The following ETNK1 variants were observed in gnomAD, a reference collection of about 807,000 sequenced individuals.
ETNK1 encodes ethanolamine kinase 1.
Under a neutral mutation model 45.1 loss-of-function variants are expected in ETNK1, and 8 were observed. The observed-to-expected ratio is 0.18, with a 90% CI of 0.10 to 0.32. ETNK1 has a LOEUF of 0.32. ETNK1 is among the 10% of genes least tolerant of loss of function. The pLI is 1.00. For missense variants in ETNK1, 302 were observed against 430.6 expected, an observed-to-expected ratio of 0.70 and a Z score of 2.64; for synonymous variants, 152 against 151.9, an observed-to-expected ratio of 1.00 and a Z score of -0.01.
chr12:22,659,262 T>TTACTTCAA, intron 3 of ETNK1, 108 bp downstream of exon 3: 1 of 1,148,850 alleles, frequency 8.7e-7, no homozygotes, highest in Non-Finnish European at 1.2e-6. Context: ...TTTTCTTTCT[T>TTACTTCAA]TGCATTGAAG....
intron 6 of ETNK1, chr12:22,682,322 G>A: frequency 4.1e-6 from 2 of 485,202 alleles, no homozygotes; most frequent in Non-Finnish European, 8.2e-6. Context: ...AATATTGTCA[G>A]TTATTTTCAC....
intron 4 of ETNK1, among the ~76,000 whole-genome samples, chr12:22,664,842 A>T (rs746512273): frequency 6.6e-6 from 1 of 152,150 alleles, no homozygotes; most frequent in Non-Finnish European, 1.5e-5. Context: ...TTGAGATACC[A>T]ATAGATAAAA....
rs1375688458 is a variant in ETNK1, at chr12:22,687,277, A to T, written c.*2323A>T. On this transcript the variant is annotated 3_prime_UTR_variant, in exon 8 of 8. Transcript: ENST00000266517. ...GAATTGCTTCCCTTTTATATCGACC[A>T]TGTAAGGGATTCTAAAGGAGGGTAA... 2.0e-5 allele frequency: 3 copies of T among 152,262 alleles called. No individual in the cohort carries two copies. Among genetic ancestry groups the T allele is most frequent in the Admixed American group, 2.0e-4 (3 of 15,240 alleles). The allele number at this position is 152,262 out of a possible 1,614,324, so 9.4% of individuals were successfully genotyped here.
At position 22,653,742 on chromosome 12, in the gene ETNK1, A is replaced by G. The variant is rs142443340; in HGVS notation, c.417-5272A>G. Among the ~76,000 whole-genome samples, 806 of 152,256 alleles carry G rather than the reference A, an allele frequency of 5.3e-3. 5 individuals carry two copies. The highest frequency in any genetic ancestry group is 0.018 in the African/African-American group (765 of 41,554). On this transcript the variant is annotated intron_variant, in intron 2 of 7. Coordinates refer to ENST00000266517, the MANE Select transcript of ETNK1 (RefSeq NM_018638.5). ...AATTTGATTTTTAGTAAAAACTGTA[A>G]ATTTTCTTAAAATCATTCTTTACAA...
rs1954251503 is a variant in ETNK1, at chr12:22,685,346, TTAA to T, written c.*396_*398del. 1 of 155,470 alleles carries T rather than the reference TTAA, an allele frequency of 6.4e-6. No individual in the cohort carries two copies. Among genetic ancestry groups the T allele is most frequent in the African/African-American group, 2.4e-5 (1 of 41,544 alleles). 9.6% of individuals were successfully genotyped at this position (155,470 alleles called of 1,614,324 possible). On this transcript the variant is annotated 3_prime_UTR_variant, in exon 8 of 8. Coordinates refer to ENST00000266517, the MANE Select transcript of ETNK1 (RefSeq NM_018638.5). The stretch of plus-strand genomic sequence containing the variant: ...CCAAATAAGTTTTTTAAGTTTTACT[TTAA>T]TAAGATTAATTTCAGTAAACATTCT...
chr12:22,625,418 C>A lies in ETNK1; in HGVS notation c.-13C>A. 1 of 1,573,346 alleles carries A rather than the reference C, an allele frequency of 6.4e-7. No individual in the cohort carries two copies. The highest frequency in any genetic ancestry group is 8.6e-7 in the Non-Finnish European group (1 of 1,161,764). The stretch of plus-strand genomic sequence containing the variant: ...CCGTCGTCGTGGTGGTAGTCTCCGC[C>A]GTCGCCTGGGCCATGGCCAATTACA... On this transcript the variant is annotated 5_prime_UTR_variant, in exon 1 of 8. Coordinates refer to ENST00000266517, the MANE Select transcript of ETNK1 (RefSeq NM_018638.5).
intron 1 of ETNK1, among the ~76,000 whole-genome samples, chr12:22,640,160 A>T (rs1953716287): frequency 6.6e-6 from 1 of 152,166 alleles, no homozygotes; most frequent in Non-Finnish European, 1.5e-5. Context: ...TTATGTGATG[A>T]GGTAAGGCAG....
chr12:22,669,165 C>T (rs1251813904), intron 4 of ETNK1, among the ~76,000 whole-genome samples: 1 of 152,034 alleles, frequency 6.6e-6, no homozygotes, highest in African/African-American at 2.4e-5. Context: ...CTTAGTGAAT[C>T]TTGTATCCTG....
intron 2 of ETNK1, among the ~76,000 whole-genome samples, chr12:22,653,264 G>T (rs551562109): frequency 6.6e-6 from 1 of 152,130 alleles, no homozygotes; most frequent in East Asian, 1.9e-4. Context: ...CAGTGGCTTT[G>T]TGTAATAAGT....
intron 2 of ETNK1, among the ~76,000 whole-genome samples, chr12:22,657,483 C>T (rs1416036104): frequency 6.6e-6 from 1 of 151,690 alleles, no homozygotes; most frequent in Non-Finnish European, 1.5e-5. Context: ...TTAGGAATAT[C>T]ACTTTATTCT....
chr12:22,661,139 G>A lies in ETNK1; in HGVS notation c.634G>A (p.Gly212Ser), dbSNP rs1953995055. Reference sequence around the variant, plus strand: ...GATGAAGGAGATTCTTTCCAACCTGGGCTCACCTGTTGTGCTTTGCCATAA... The same window carrying A: ...GATGAAGGAGATTCTTTCCAACCTGAGCTCACCTGTTGTGCTTTGCCATAA... ...TWMKEILSNL[G>S]SPVVLCHNDL... Residue 212 changes from glycine to serine, a missense_variant, in exon 4 of 8, where the codon GGC becomes AGC. Physicochemically the swap from Gly to Ser is moderately conservative, Grantham distance 56. Transcript: ENST00000266517. 1 of 1,612,270 alleles carries A rather than the reference G, an allele frequency of 6.2e-7. No homozygotes were observed. Among genetic ancestry groups the A allele is most frequent in the Admixed American group, 1.7e-5 (1 of 59,576 alleles).
Position 22,643,828 on chromosome 12 carries a change from A to G in ETNK1, c.222A>G (p.Val74=). The change falls in exon 2 of 8, where the codon GTA becomes GTG. Residue 74 remains valine (V), a synonymous_variant. Transcript: ENST00000266517. ...ACGTGGGAAACACCATGGAGGATGT[A>G]GTCCTGGTGAGAATTTATGGCAATA... ...GCYVGNTMED[V]VLVRIYGNKT... The G allele has an allele frequency of 1.9e-6, 3 of 1,613,292 alleles. No individual in the cohort carries two copies. The highest frequency in any genetic ancestry group is 2.5e-6 in the Non-Finnish European group (3 of 1,179,358).
chr12:22,644,431 G>A (rs753289641), intron 2 of ETNK1: 58 of 1,083,790 alleles, frequency 5.4e-5, no homozygotes, highest in Non-Finnish European at 6.6e-5. Flanking sequence ...TGTTCTTTAC[G>A]TTGTTCATTA....
intron 4 of ETNK1, 47 bp downstream of exon 4, chr12:22,661,252 T>C (rs1033598099): frequency 2.8e-5 from 42 of 1,497,570 alleles, no homozygotes; most frequent in Non-Finnish European, 3.7e-5. Flanking sequence ...TCTTTTATGT[T>C]CTTAATGGTC....
At chr12:22,672,886 G>T (rs1212185854) in intron 5 of ETNK1, among the ~76,000 whole-genome samples, 1 of 152,134 alleles carries the variant, frequency 6.6e-6, no homozygotes, top group African/African-American at 2.4e-5. Context: ...AGTTAAATTT[G>T]TGGGGTAATG....
At chr12:22,668,116 C>T (rs1443245641) in intron 4 of ETNK1, among the ~76,000 whole-genome samples, 1 of 152,200 alleles carries the variant, frequency 6.6e-6, no homozygotes, top group East Asian at 1.9e-4. Flanking sequence ...GGTCAGGGGT[C>T]CCTTGAGAAT....
At chr12:22,672,600 G>T (rs1236567123) in intron 5 of ETNK1, among the ~76,000 whole-genome samples, 1 of 152,164 alleles carries the variant, frequency 6.6e-6, no homozygotes, top group Non-Finnish European at 1.5e-5. Flanking sequence ...ATATGAAATA[G>T]AAAACTCCAG....
intron 2 of ETNK1, among the ~76,000 whole-genome samples, chr12:22,657,448 A>C (rs994944349): frequency 2.2e-4 from 33 of 152,262 alleles, no homozygotes; most frequent in South Asian, 8.3e-4. Flanking sequence ...AACATGGGGT[A>C]AATCCAGGGA....
chr12:22,625,810 C>G (rs528291784), intron 1 of ETNK1: 2 of 742,922 alleles, frequency 2.7e-6, no homozygotes, highest in South Asian at 3.0e-5. Flanking sequence ...TTTTCTCTTT[C>G]TAGAAGCCGC....
Sources: gnomAD v4.1 joint callset for allele counts (sites outside exome capture counted in the v4.1 genomes callset) on GRCh38, gnomAD v4.1.1 for gene constraint, MANE v1.5 for transcripts, NCBI Gene and HGNC (gene_info 2026-07-23, HGNC 2026-07-21) for gene names.